SNX25: variants seen among roughly 807,000 people sequenced by gnomAD.
The protein encoded by SNX25 is sorting nexin-25.
SNX25 carries 62 observed loss-of-function variants against 113.7 expected under a neutral mutation model. That is an observed-to-expected ratio of 0.55 (90% CI 0.44 to 0.67). The LOEUF (loss-of-function observed/expected upper bound fraction) is 0.67, where lower values mean the gene tolerates loss of function less well. Ranked by LOEUF, SNX25 falls within the 30% of genes least tolerant of loss-of-function variation. The pLI is 0.00. For missense variants in SNX25, 1,014 were observed against 1,161.0 expected (o/e 0.87, Z 1.84); for synonymous variants, 421 against 436.2 (o/e 0.97, Z 0.43).
intron 9 of SNX25, among the ~76,000 whole-genome samples, chr4:185,331,360 T>G (rs2095193510): frequency 6.6e-6 from 1 of 152,178 alleles, no homozygotes; most frequent in Admixed American, 6.5e-5. Flanking sequence ...ATGATACTTT[T>G]GAAGATGATA....
intron 6 of SNX25, among the ~76,000 whole-genome samples, chr4:185,302,584 C>T (rs1255039796): frequency 3.3e-5 from 5 of 152,162 alleles, no homozygotes; most frequent in African/African-American, 1.2e-4. Context: ...GTTGGGTTTT[C>T]CTTGCAGTGC....
chr4:185,209,711 C>A lies in SNX25; in HGVS notation c.-116C>A. 1 of 983,168 alleles carries A rather than the reference C, an allele frequency of 1.0e-6. No homozygotes were observed. Among genetic ancestry groups the A allele is most frequent in the Non-Finnish European group, 1.2e-6 (1 of 828,482 alleles). 60.9% of individuals were successfully genotyped at this position (983,168 alleles called of 1,614,324 possible). ...GGGGCCCGGCGGCGTCTGCGGGGGC[C>A]GCTCCCTCGGTGGGCCGCGGGCGAG... On this transcript the variant is annotated 5_prime_UTR_variant, in exon 1 of 19. Coordinates refer to ENST00000652585, the MANE Select transcript of SNX25 (RefSeq NM_001378034.2). The surrounding 1 kb of genome is among the most constrained non-coding windows in gnomAD (Gnocchi z 5.2).
rs1161629025 is a variant in SNX25, at chr4:185,323,594, G to A, written c.1543G>A (p.Val515Met). 1 of 1,613,052 alleles carries A rather than the reference G, an allele frequency of 6.2e-7. No homozygotes were observed. The highest frequency in any genetic ancestry group is 8.5e-7 in the Non-Finnish European group (1 of 1,179,380). Reference sequence around the variant, plus strand: ...CTTTGTGGAGAGCAAAGAAATATCTGTGGAAAAATCACTTTACAAAGAAAT... The same window carrying A: ...CTTTGTGGAGAGCAAAGAAATATCTATGGAAAAATCACTTTACAAAGAAAT... ...NFFVESKEIS[V>M]EKSLYKEIQQ... Residue 515 changes from valine to methionine, a missense_variant, in exon 9 of 19, where the codon GTG becomes ATG. Physicochemically the swap from Val to Met is conservative, Grantham distance 21. Coordinates refer to ENST00000652585, the MANE Select transcript of SNX25 (RefSeq NM_001378034.2).
intron 1 of SNX25, among the ~76,000 whole-genome samples, chr4:185,246,034 C>G (rs1185069120): frequency 6.6e-6 from 1 of 152,104 alleles, no homozygotes; most frequent in African/African-American, 2.4e-5. Context: ...CGCCTGTAAT[C>G]CCAGCACTTT....
rs1303921565 is a variant in SNX25 at position 185,335,316 on chromosome 4, T to TCTCACACA, written c.1914+2558_1914+2559insTCACACAC. ...GCCTGGGCAATAGAGTGAAAAAGTC[T>TCTCACACA]CACACACACACACACACACACACAC... is the stretch of plus-strand genomic sequence containing the variant. On this transcript the variant is annotated intron_variant, in intron 10 of 18. Coordinates refer to ENST00000652585, the MANE Select transcript of SNX25 (RefSeq NM_001378034.2). Among the ~76,000 whole-genome samples, 63 of 140,892 alleles carry TCTCACACA rather than the reference T, an allele frequency of 4.5e-4. No homozygotes were observed. The East Asian group carries it at 9.1e-3, about 20-fold the overall frequency. 92.4% of individuals were successfully genotyped at this position (140,892 alleles called of 152,430 possible).
downstream of SNX25, chr4:185,372,839 C>T: frequency 6.4e-7 from 1 of 1,560,614 alleles, no homozygotes; most frequent in East Asian, 2.3e-5. Context: ...CAGCACAGAA[C>T]AGACAAAGAC....
intron 3 of SNX25, among the ~76,000 whole-genome samples, chr4:185,262,794 G>A (rs752743612): frequency 1.2e-4 from 18 of 152,174 alleles, no homozygotes; most frequent in Non-Finnish European, 2.4e-4. Context: ...AGGAATCACA[G>A]CAAACAAATG....
intron 1 of SNX25, among the ~76,000 whole-genome samples, chr4:185,231,146 T>C (rs866013883): frequency 3.2e-4 from 49 of 150,780 alleles, no homozygotes; most frequent in Admixed American, 1.4e-3. Flanking sequence ...TCGCCCAGGC[T>C]GGAGTGCAGT....
At chr4:185,287,823 G>A (rs1751554242) in intron 5 of SNX25, among the ~76,000 whole-genome samples, 189 bp from the exon 6 acceptor site, 1 of 150,982 alleles carries the variant, frequency 6.6e-6, no homozygotes, top group Non-Finnish European at 1.5e-5. Flanking sequence ...GCCTCAGAAT[G>A]ACTAGCGCGT....
chr4:185,247,447 A>G, intron 2 of SNX25, 69 bp downstream of exon 2: 1 of 1,147,756 alleles, frequency 8.7e-7, no homozygotes, highest in Non-Finnish European at 1.3e-6. Context: ...GGAAAATAAT[A>G]ATCTCCAGCA....
chr4:185,215,110 TC>T (rs1160461193), intron 1 of SNX25, among the ~76,000 whole-genome samples: 1 of 152,002 alleles, frequency 6.6e-6, no homozygotes, highest in Non-Finnish European at 1.5e-5. Flanking sequence ...GCGCCTGTAG[TC>T]CCAGCTACTC....
In SNX25 at chr4:185,209,946, C is replaced by T; in HGVS notation, c.120C>T (p.Asp40=). The T allele has an allele frequency of 4.1e-6, 4 of 983,578 alleles. No homozygotes were observed. The highest frequency in any genetic ancestry group is 4.8e-6 in the Non-Finnish European group (4 of 829,220). 60.9% of individuals were successfully genotyped at this position (983,578 alleles called of 1,614,324 possible). Residue 40 remains aspartate (D), a synonymous_variant, in exon 1 of 19, where the codon GAC becomes GAT. Coordinates refer to ENST00000652585, the MANE Select transcript of SNX25 (RefSeq NM_001378034.2). The surrounding 1 kb of genome is among the most constrained non-coding windows in gnomAD (Gnocchi z 5.2). The part of the protein sequence containing the change: ...RGERRPESPG[D]AEAAAAAAPG... ...AGCGGCGGCCGGAGTCCCCGGGGGACGCGGAGGCAGCAGCAGCGGCGGCGC... is the reference window on the plus strand; with the variant it reads ...AGCGGCGGCCGGAGTCCCCGGGGGATGCGGAGGCAGCAGCAGCGGCGGCGC...
chr4:185,264,419 T>C lies in SNX25; in HGVS notation c.732-19T>C. 6.2e-7 allele frequency: 1 copy of C among 1,604,170 alleles called. No individual in the cohort carries two copies. The highest frequency in any genetic ancestry group is 8.5e-7 in the Non-Finnish European group (1 of 1,175,328). ...GTTTCTAGAAACTTCTTTCCTTCTT[T>C]TTCACTCTCTTTATTTAGACATGAA... On this transcript the variant is annotated intron_variant, in intron 3 of 18. Coordinates refer to ENST00000652585, the MANE Select transcript of SNX25 (RefSeq NM_001378034.2).
rs1462655572 is a variant in SNX25 at position 185,277,718 on chromosome 4, ACCTTTTTTTTT to A, written c.1092-10293_1092-10283del. Among the ~76,000 whole-genome samples, 93 of 82,910 alleles carry A rather than the reference ACCTTTTTTTTT, an allele frequency of 1.1e-3. 12 individuals carry two copies. The highest frequency in any genetic ancestry group is 3.8e-3 in the African/African-American group (90 of 23,464). 54.4% of individuals were successfully genotyped at this position (82,910 alleles called of 152,430 possible). On this transcript the variant is annotated intron_variant, in intron 5 of 18. Transcript: ENST00000652585. ...AAATGATGAGTTTTGAGTACTTATT[ACCTTTTTTTTT>A]TTTTTTTTTTTTTTTTTTTTTGAGA...
chr4:185,258,580 A>T (rs1746784205), intron 2 of SNX25, among the ~76,000 whole-genome samples: 1 of 152,130 alleles, frequency 6.6e-6, no homozygotes, highest in South Asian at 2.1e-4. Context: ...TTTTTTAATA[A>T]ATTTAGGTAG....
chr4:185,338,099 T>A (rs1049126790), intron 10 of SNX25, among the ~76,000 whole-genome samples: 4 of 152,202 alleles, frequency 2.6e-5, no homozygotes, highest in Non-Finnish European at 2.9e-5. Flanking sequence ...GCAGATTTTT[T>A]AAATATTTCG....
Position 185,209,901 on chromosome 4 carries a change from T to A in SNX25, c.75T>A (p.Pro25=). The change falls in exon 1 of 19, where the codon CCT becomes CCA. Residue 25 remains proline, a synonymous_variant. Coordinates refer to ENST00000652585, the MANE Select transcript of SNX25 (RefSeq NM_001378034.2). This position sits in a 1 kb window ranked among gnomAD's most constrained non-coding sequence, Gnocchi z 5.2. ...PARAAGAGGR[P]VSGFRGERRP... is the part of the protein sequence containing the mutation. ...GGGCCGCAGGCGCCGGCGGCCGTCC[T>A]GTCTCGGGCTTCAGGGGCGAGCGGC... 1 of 983,008 alleles carries A rather than the reference T, an allele frequency of 1.0e-6. No individual in the cohort carries two copies. The allele number at this position is 983,008 out of a possible 1,614,324, so 60.9% of individuals were successfully genotyped here. A position where few individuals can be genotyped will look rare whatever the true frequency, so the allele number is the denominator to read the frequency against.
chr4:185,339,736 A>G (rs2095250520), intron 11 of SNX25, among the ~76,000 whole-genome samples: 1 of 152,212 alleles, frequency 6.6e-6, no homozygotes, highest in African/African-American at 2.4e-5. Flanking sequence ...TTCAAACAGC[A>G]AGTTCTTCCT....
chr4:185,349,326 G>A (rs1164742553), intron 13 of SNX25, among the ~76,000 whole-genome samples: 1 of 152,196 alleles, frequency 6.6e-6, no homozygotes, highest in African/African-American at 2.4e-5. Flanking sequence ...GGACGCCTAA[G>A]TTGATGCCAT....
Sources: allele counts gnomAD v4.1 joint callset (sites outside exome capture counted in the v4.1 genomes callset), GRCh38; gene constraint gnomAD v4.1.1; non-coding constraint Gnocchi (gnomAD v3.1); transcripts MANE v1.5; gene names NCBI Gene and HGNC (gene_info 2026-07-23, HGNC 2026-07-21).